The following GRID2 variants were observed in gnomAD, a reference collection of about 807,000 sequenced individuals.
GRID2 encodes the protein glutamate receptor ionotropic, delta-2.
Under a neutral mutation model 114.8 loss-of-function variants are expected in GRID2, and 33 were observed. The observed-to-expected ratio is 0.29, with a 90% CI of 0.22 to 0.38. The LOEUF is 0.38. GRID2 is among the 10% of genes least tolerant of loss of function. The pLI is 1.00. For missense variants in GRID2, 1,184 were observed against 1,257.7 expected (o/e 0.94, Z 0.89); for synonymous variants, 505 against 449.9 (o/e 1.12, Z -1.55).
intron 2 of GRID2, among the ~76,000 whole-genome samples, chr4:92,890,038 G>C (rs184120817): frequency 1.3e-5 from 2 of 152,254 alleles, no homozygotes; most frequent in Admixed American, 6.5e-5. Flanking sequence ...TTTAATAAAT[G>C]GTGTTGGTAA....
At chr4:92,927,844 A>G (rs1036868347) in intron 2 of GRID2, among the ~76,000 whole-genome samples, 2 of 151,634 alleles carry the variant, frequency 1.3e-5, no homozygotes, top group Non-Finnish European at 3.0e-5. Flanking sequence ...AATCTGAACG[A>G]TTTCAGATTT....
At chr4:93,668,269 C>T (rs1724113016) in intron 14 of GRID2, among the ~76,000 whole-genome samples, 1 of 151,916 alleles carries the variant, frequency 6.6e-6, no homozygotes, top group African/African-American at 2.4e-5. Flanking sequence ...TTTTAATGTG[C>T]TTTAAGACTA....
intron 8 of GRID2, among the ~76,000 whole-genome samples, chr4:93,284,602 A>G (rs1396618265): frequency 6.6e-6 from 1 of 151,868 alleles, no homozygotes; most frequent in Admixed American, 6.6e-5. Context: ...TATATCTTCA[A>G]TTTCCCCACT....
chr4:93,630,051 G>A (rs961773752), intron 14 of GRID2, among the ~76,000 whole-genome samples: 10 of 152,168 alleles, frequency 6.6e-5, no homozygotes, highest in African/African-American at 1.9e-4. Context: ...GTATGTGAGC[G>A]AACACACATT....
intron 1 of GRID2, among the ~76,000 whole-genome samples, chr4:92,378,640 G>C (rs1729468195): frequency 1.3e-5 from 2 of 151,838 alleles, no homozygotes; most frequent in East Asian, 1.9e-4. Flanking sequence ...CATTAACATG[G>C]TGTACACAAA....
chr4:92,605,962 C>T (rs1729432267), intron 2 of GRID2, among the ~76,000 whole-genome samples: 1 of 145,688 alleles, frequency 6.9e-6, no homozygotes, highest in Admixed American at 6.9e-5. Flanking sequence ...TTTAAATTCA[C>T]CTGCTATAAT....
chr4:92,663,520 TACAG>T (rs1252324774), intron 2 of GRID2, among the ~76,000 whole-genome samples: 6 of 151,290 alleles, frequency 4.0e-5, no homozygotes, highest in Non-Finnish European at 7.4e-5. Flanking sequence ...TTGTCTAGTA[TACAG>T]ACAAAGTTGT....
chr4:93,178,380 A>ATTTTTTT (rs11428288), intron 4 of GRID2, among the ~76,000 whole-genome samples: 3 of 50,332 alleles, frequency 6.0e-5, no homozygotes, highest in Non-Finnish European at 7.1e-5. Context: ...TTGAAAATAG[A>ATTTTTTT]TTTTTTTTTT....
chr4:92,955,971 G>A (rs1253446534), intron 2 of GRID2, among the ~76,000 whole-genome samples: 3 of 151,982 alleles, frequency 2.0e-5, no homozygotes, highest in African/African-American at 4.8e-5. Context: ...TGCCCACTTC[G>A]GCCTCACAAA....
At chr4:92,346,832 T>A (rs1727790023) in intron 1 of GRID2, among the ~76,000 whole-genome samples, 1 of 152,192 alleles carries the variant, frequency 6.6e-6, no homozygotes, top group Non-Finnish European at 1.5e-5. Flanking sequence ...TAAAGGAGTT[T>A]CCATCTTTTA....
At chr4:93,177,553 T>C (rs1377109029) in intron 4 of GRID2, among the ~76,000 whole-genome samples, 1 of 152,182 alleles carries the variant, frequency 6.6e-6, no homozygotes, top group African/African-American at 2.4e-5. Context: ...CTTTATCATA[T>C]TAAAATTTTT....
At chr4:93,725,398 G>T (rs1188435745) in intron 14 of GRID2, among the ~76,000 whole-genome samples, 7 of 152,148 alleles carry the variant, frequency 4.6e-5, no homozygotes, top group Non-Finnish European at 7.3e-5. Context: ...GGACATTTGG[G>T]TTGGTTCCAA....
intron 4 of GRID2, among the ~76,000 whole-genome samples, chr4:93,183,135 A>T (rs533334620): frequency 6.6e-6 from 1 of 152,220 alleles, no homozygotes; most frequent in South Asian, 2.1e-4. Context: ...CCTAAAATTT[A>T]GTTGCCTGAG....
intron 2 of GRID2, among the ~76,000 whole-genome samples, chr4:92,788,490 A>G (rs537812517): frequency 2.9e-4 from 44 of 152,078 alleles, no homozygotes; most frequent in Non-Finnish European, 5.0e-4. Flanking sequence ...ACATGTGTTC[A>G]TCCTTAAAAG....
chr4:92,914,088 T>A (rs1419534083), intron 2 of GRID2, among the ~76,000 whole-genome samples: 1 of 152,154 alleles, frequency 6.6e-6, no homozygotes, highest in East Asian at 1.9e-4. Flanking sequence ...TGAATTAACA[T>A]TTGCAAATCG....
chr4:92,988,651 C>A (rs561396584), intron 2 of GRID2, among the ~76,000 whole-genome samples: 2 of 151,852 alleles, frequency 1.3e-5, no homozygotes, highest in South Asian at 2.1e-4. Flanking sequence ...TTTATAGACA[C>A]GAAAAAGATT....
At chr4:92,820,047 A>G (rs1193976431) in intron 2 of GRID2, among the ~76,000 whole-genome samples, 3 of 152,162 alleles carry the variant, frequency 2.0e-5, no homozygotes, top group African/African-American at 7.2e-5. Context: ...GAAACAATCT[A>G]GAACTGACAA....
chr4:93,569,031 G>A (rs1257062877), intron 13 of GRID2, among the ~76,000 whole-genome samples: 2 of 152,176 alleles, frequency 1.3e-5, no homozygotes, highest in Non-Finnish European at 2.9e-5. Flanking sequence ...CCGATATAAA[G>A]TTGTAAATGC....
At chr4:93,662,127 T>G (rs1028750741) in intron 14 of GRID2, among the ~76,000 whole-genome samples, 1 of 152,088 alleles carries the variant, frequency 6.6e-6, no homozygotes, top group Non-Finnish European at 1.5e-5. Context: ...CCTAAAAAGC[T>G]CTTGGATTTT....
Sources: allele counts gnomAD v4.1 joint callset (sites outside exome capture counted in the v4.1 genomes callset), GRCh38; gene constraint gnomAD v4.1.1; transcripts MANE v1.5; gene names NCBI Gene and HGNC (gene_info 2026-07-23, HGNC 2026-07-21).